The following ANKFN1 variants were observed in gnomAD, a reference collection of about 807,000 sequenced individuals.
ANKFN1 encodes the protein ankyrin repeat and fibronectin type-III domain-containing protein 1.
Under a neutral mutation model 108.7 loss-of-function variants are expected in ANKFN1, and 74 were observed. The ratio of observed to expected loss-of-function variants is 0.68; its 90% CI spans 0.56 to 0.83. The LOEUF (loss-of-function observed/expected upper bound fraction) is 0.83, where lower values mean the gene tolerates loss of function less well. Ranked by LOEUF, ANKFN1 falls within the 40% of genes least tolerant of loss-of-function variation. ANKFN1 has a pLI of 0.00. For missense variants in ANKFN1, 1,505 were observed against 1,382.3 expected (o/e 1.09, Z -1.41); for synonymous variants, 547 against 516.2 (o/e 1.06, Z -0.81).
chr17:56,329,860 C>A (rs982846006), intron 4 of ANKFN1, among the ~76,000 whole-genome samples: 1 of 152,130 alleles, frequency 6.6e-6, no homozygotes, highest in Non-Finnish European at 1.5e-5. Context: ...TAGTGCCCAA[C>A]CCCAGAGAGC....
intron 11 of ANKFN1, among the ~76,000 whole-genome samples, chr17:56,455,824 C>A (rs1205601066): frequency 6.6e-6 from 1 of 152,110 alleles, no homozygotes; most frequent in Non-Finnish European, 1.5e-5. Flanking sequence ...ATAGTAGTGC[C>A]CCCAATAAAT....
intron 8 of ANKFN1, among the ~76,000 whole-genome samples, chr17:56,396,226 T>A (rs1327024343): frequency 1.3e-5 from 2 of 152,188 alleles, no homozygotes; most frequent in Non-Finnish European, 2.9e-5. Flanking sequence ...GGCGGGCAGA[T>A]CACTTGAGGT....
chr17:56,177,377 T>C (rs529843967), intron 1 of ANKFN1, among the ~76,000 whole-genome samples: 1 of 152,346 alleles, frequency 6.6e-6, no homozygotes, highest in South Asian at 2.1e-4. Context: ...TGAATGCCCA[T>C]TTTCCATGAT....
chr17:56,308,932 T>C (rs1289821342), intron 3 of ANKFN1, among the ~76,000 whole-genome samples: 1 of 152,248 alleles, frequency 6.6e-6, no homozygotes, highest in Non-Finnish European at 1.5e-5. Flanking sequence ...TTTGTCCTGG[T>C]ATATAATTAT....
intron 4 of ANKFN1, among the ~76,000 whole-genome samples, chr17:56,061,481 C>A (rs1393134864): frequency 6.6e-6 from 1 of 151,898 alleles, no homozygotes; most frequent in East Asian, 1.9e-4. Flanking sequence ...CCATGTTGGG[C>A]AGGCTGTTCT....
intron 16 of ANKFN1, among the ~76,000 whole-genome samples, chr17:56,478,790 A>G (rs554498355): frequency 2.0e-5 from 3 of 152,340 alleles, no homozygotes; most frequent in Admixed American, 6.5e-5. Flanking sequence ...AGATACTCCC[A>G]AAGAGTATAA....
At chr17:56,480,300 C>A (rs1193884762) in intron 16 of ANKFN1, among the ~76,000 whole-genome samples, 1 of 152,098 alleles carries the variant, frequency 6.6e-6, no homozygotes. Context: ...GCAGAATTAG[C>A]CAGTAGATGC....
In ANKFN1 at chr17:56,466,532, G is replaced by A. The variant is rs773064613; in HGVS notation, c.1734G>A (p.Glu578=). 1 of 1,613,562 alleles carries A rather than the reference G, an allele frequency of 6.2e-7. No homozygotes were observed. The highest frequency in any genetic ancestry group is 1.1e-5 in the South Asian group (1 of 91,012). The change falls in exon 15 of 21, where the codon GAG becomes GAA. Residue 578 remains glutamate, a synonymous_variant. Coordinates refer to ENST00000682825, the MANE Select transcript of ANKFN1 (RefSeq NM_001370326.1). ...QSQRKSLSTP[E]EPTALDILLI... is the part of the protein sequence containing the mutation. The stretch of plus-strand genomic sequence containing the variant: ...AGAGAAAGTCTCTATCAACACCTGA[G>A]GAGCCAACAGCTTTAGACATTCTAC...
intron 4 of ANKFN1, among the ~76,000 whole-genome samples, chr17:56,054,818 T>A (rs1405021334): frequency 6.6e-6 from 1 of 152,064 alleles, no homozygotes; most frequent in African/African-American, 2.4e-5. Flanking sequence ...CCTGGGAGGT[T>A]GAGGCTGCAG....
chr17:56,237,202 G>T (rs1182983761), intron 3 of ANKFN1, among the ~76,000 whole-genome samples: 1 of 152,154 alleles, frequency 6.6e-6, no homozygotes, highest in Non-Finnish European at 1.5e-5. Flanking sequence ...GTTCATAAAG[G>T]ATATTGGCCT....
intron 3 of ANKFN1, among the ~76,000 whole-genome samples, chr17:56,243,653 C>T (rs1374432507): frequency 2.0e-5 from 3 of 152,056 alleles, no homozygotes; most frequent in Non-Finnish European, 4.4e-5. Flanking sequence ...CCTTCCTAGC[C>T]CTGATTCCAG....
At chr17:56,415,211 A>G (rs1043769883) in intron 8 of ANKFN1, among the ~76,000 whole-genome samples, 1 of 152,176 alleles carries the variant, frequency 6.6e-6, no homozygotes, top group African/African-American at 2.4e-5. Flanking sequence ...AGCTAGTGCA[A>G]TCAGACAAGA....
intron 8 of ANKFN1, among the ~76,000 whole-genome samples, chr17:56,425,630 C>T (rs190364655): frequency 6.6e-6 from 1 of 152,312 alleles, no homozygotes; most frequent in East Asian, 1.9e-4. Flanking sequence ...CCGACCACAC[C>T]ATGACTCCGT....
At chr17:56,414,917 G>A (rs190024098) in intron 8 of ANKFN1, among the ~76,000 whole-genome samples, 1 of 152,192 alleles carries the variant, frequency 6.6e-6, no homozygotes, top group East Asian at 1.9e-4. Context: ...CTACTCTGGG[G>A]TCTGAGATGG....
At chr17:56,308,026 G>A (rs570435763) in intron 3 of ANKFN1, among the ~76,000 whole-genome samples, 3 of 152,218 alleles carry the variant, frequency 2.0e-5, no homozygotes, top group African/African-American at 7.2e-5. Context: ...TCATAGGTGG[G>A]AATTGAACAA....
At chr17:56,344,817 A>G (rs1375493185) in intron 4 of ANKFN1, among the ~76,000 whole-genome samples, 1 of 152,038 alleles carries the variant, frequency 6.6e-6, no homozygotes, top group South Asian at 2.1e-4. Flanking sequence ...TAAAGGAGCT[A>G]CAACCCCATT....
In ANKFN1 at chr17:56,463,625, A is replaced by G. The variant is rs116020877; in HGVS notation, c.1558-2731A>G. 1.7e-3 allele frequency among the ~76,000 whole-genome samples: 257 copies of G among 152,310 alleles called. 4 individuals are homozygous for G. The highest frequency in any genetic ancestry group is 9.8e-3 in the East Asian group (51 of 5,188). ...AGGGAGAAGTGTACATTGCTCTTAC[A>G]TTGAAAGGTGTCTAAGCTACTTATC... On this transcript the variant is annotated intron_variant, in intron 14 of 20. Coordinates refer to ENST00000682825, the MANE Select transcript of ANKFN1 (RefSeq NM_001370326.1).
chr17:56,470,661 C>T (rs1282496028), intron 15 of ANKFN1, among the ~76,000 whole-genome samples: 1 of 152,056 alleles, frequency 6.6e-6, no homozygotes. Flanking sequence ...GTTTTCAAAA[C>T]AGATAGGGCT....
At chr17:56,240,215 T>G (rs1325827585) in intron 3 of ANKFN1, among the ~76,000 whole-genome samples, 1 of 152,144 alleles carries the variant, frequency 6.6e-6, no homozygotes, top group African/African-American at 2.4e-5. Flanking sequence ...CAATCCTGTA[T>G]GCTTATCCTT....
Sources: gnomAD v4.1 joint callset for allele counts (sites outside exome capture counted in the v4.1 genomes callset) on GRCh38, gnomAD v4.1.1 for gene constraint, MANE v1.5 for transcripts, NCBI Gene and HGNC (gene_info 2026-07-23, HGNC 2026-07-21) for gene names.